The following NFIC variants were observed in gnomAD, a reference collection of about 807,000 sequenced individuals.
NFIC encodes nuclear factor I C.
Under a neutral mutation model 54.4 loss-of-function variants are expected in NFIC, and 12 were observed. That is an observed-to-expected ratio of 0.22 (90% CI 0.14 to 0.36). The LOEUF (loss-of-function observed/expected upper bound fraction) is 0.36. Among genes scored for constraint, NFIC ranks in the 10% least tolerant of loss-of-function variants. The pLI, the probability that NFIC is intolerant of heterozygous loss-of-function variation, is 1.00. For synonymous variants in NFIC, 322 were observed against 319.2 expected (o/e 1.01, Z -0.09); for missense variants, 575 against 718.2 (o/e 0.80, Z 2.28).
chr19:3,380,225 C>G (rs970695401), intron 1 of NFIC, among the ~76,000 whole-genome samples: 1 of 147,090 alleles, frequency 6.8e-6, no homozygotes, highest in African/African-American at 2.5e-5. Context: ...AGGATGGTCT[C>G]AATCTCCTGA....
At position 3,381,977 on chromosome 19, in the gene NFIC, A is replaced by C; in HGVS notation, c.296A>C (p.Lys99Thr). ...REDFVLSITG[K>T]KAPGCVLSNP... The stretch of plus-strand genomic sequence containing the variant: ...GACTTCGTGCTGAGCATCACCGGCA[A>C]GAAGGCGCCGGGCTGCGTGCTCTCC... The change falls in exon 2 of 11, where the codon AAG becomes ACG. Residue 99 changes from lysine (K) to threonine (T), a missense_variant. Coordinates refer to ENST00000443272, the MANE Select transcript of NFIC (RefSeq NM_001245002.2). The C allele has an allele frequency of 6.2e-7, 1 of 1,613,502 alleles. No homozygotes were observed. Among genetic ancestry groups the C allele is most frequent in the Non-Finnish European group, 8.5e-7 (1 of 1,179,928 alleles).
rs1555744611 is a variant in NFIC, at chr19:3,394,519, A to ACACCCCCC, written c.562+12277_562+12278insACCCCCCC. On this transcript the variant is annotated intron_variant, in intron 2 of 10. Coordinates refer to ENST00000443272, the MANE Select transcript of NFIC (RefSeq NM_001245002.2). ...CGAGGTATTTTATGATCTTTTCCCC[A>ACACCCCCC]CCCACCCCCCACCCGCTTACACTAA... Among the ~76,000 whole-genome samples, 3 of 47,352 alleles carry ACACCCCCC rather than the reference A, an allele frequency of 6.3e-5. 1 individual carries two copies. The highest frequency in any genetic ancestry group is 4.1e-4 in the African/African-American group (3 of 7,352). 31.1% of individuals were successfully genotyped at this position (47,352 alleles called of 152,430 possible).
At chr19:3,423,915 G>C (rs2081989701) in intron 2 of NFIC, among the ~76,000 whole-genome samples, 1 of 152,158 alleles carries the variant, frequency 6.6e-6, no homozygotes, top group African/African-American at 2.4e-5. Context: ...CACCTCTCTG[G>C]TCCTCAGTTT....
Position 3,467,786 on chromosome 19 carries a change from T to TATATATATATATATATATATAA in NFIC, c.*5020_*5021insTATATATATATATATATAAATA, listed in dbSNP as rs1420093017. On this transcript the variant is annotated 3_prime_UTR_variant, in exon 11 of 11. Coordinates refer to ENST00000443272, the MANE Select transcript of NFIC (RefSeq NM_001245002.2). Reference sequence around the variant, plus strand: ...ATATATATATATATATATATATATATATAATTTTGGAATTTGTTTCTCATA... The same window carrying TATATATATATATATATATATAA: ...ATATATATATATATATATATATATATATATATATATATATATATATAAATAATTTTGGAATTTGTTTCTCATA... The TATATATATATATATATATATAA allele has an allele frequency of 7.2e-6, 1 of 138,812 alleles. No homozygotes were observed. The highest frequency in any genetic ancestry group is 2.2e-4 in the South Asian group (1 of 4,536). The allele number at this position is 138,812 out of a possible 1,614,324, so 8.6% of individuals were successfully genotyped here. A position where few individuals can be genotyped will look rare whatever the true frequency, so the allele number is the denominator to read the frequency against.
intron 2 of NFIC, among the ~76,000 whole-genome samples, chr19:3,404,833 G>A (rs907445256): frequency 6.6e-6 from 1 of 152,186 alleles, no homozygotes; most frequent in African/African-American, 2.4e-5. Flanking sequence ...GGCCTCCAGG[G>A]ACCTCCAGAC....
intron 9 of NFIC, among the ~76,000 whole-genome samples, chr19:3,455,182 C>T (rs1413510277): frequency 6.6e-6 from 1 of 152,246 alleles, no homozygotes. Context: ...CCTGCCTGCT[C>T]ATCTGTGAAA....
intron 1 of NFIC, among the ~76,000 whole-genome samples, chr19:3,373,621 C>A (rs879603259): frequency 1.8e-5 from 2 of 111,758 alleles, no homozygotes; most frequent in South Asian, 7.0e-4. Flanking sequence ...TCCTGGACCC[C>A]CCCCCCAAGC....
intron 1 of NFIC, chr19:3,371,308 G>C (rs1246151222): frequency 6.6e-6 from 1 of 151,064 alleles, no homozygotes; most frequent in Non-Finnish European, 1.5e-5. Context: ...TGCAGATTCA[G>C]GGAGGCAGCA....
At chr19:3,398,055 G>A (rs2081493355) in intron 2 of NFIC, among the ~76,000 whole-genome samples, 3 of 152,144 alleles carry the variant, frequency 2.0e-5, no homozygotes. Context: ...ATATTATCCA[G>A]GATTTTGCAC....
chr19:3,371,793 C>T (rs2081015079), intron 1 of NFIC, among the ~76,000 whole-genome samples: 1 of 152,062 alleles, frequency 6.6e-6, no homozygotes, highest in African/African-American at 2.4e-5. Context: ...GTGACAAGGA[C>T]AGTGGTGACC....
At chr19:3,442,741 A>G (rs554399693) in intron 6 of NFIC, among the ~76,000 whole-genome samples, 2 of 149,214 alleles carry the variant, frequency 1.3e-5, no homozygotes, top group East Asian at 2.0e-4. Context: ...TGGCCTGGGG[A>G]GGGACAGAGT....
At chr19:3,402,642 G>C (rs1160130769) in intron 2 of NFIC, among the ~76,000 whole-genome samples, 1 of 152,208 alleles carries the variant, frequency 6.6e-6, no homozygotes, top group African/African-American at 2.4e-5. Flanking sequence ...CTGAAGGAAA[G>C]AAAACAGAAG....
At chr19:3,359,650 C>T (rs1341342866) in exon 1 of NFIC, 15 of 1,383,968 alleles carry the variant, frequency 1.1e-5, no homozygotes, top group African/African-American at 1.5e-5. Flanking sequence ...CGCGCTCGCT[C>T]CGGCGCCGGC....
At chr19:3,400,066 ACT>A (rs1318110472) in intron 2 of NFIC, among the ~76,000 whole-genome samples, 1 of 152,194 alleles carries the variant, frequency 6.6e-6, no homozygotes, top group Non-Finnish European at 1.5e-5. Flanking sequence ...GAGCACAGAC[ACT>A]GTCAGCACTC....
intron 2 of NFIC, 33 bp downstream of exon 2, chr19:3,382,276 C>T (rs2074944): frequency 0.26 from 416,425 of 1,581,304 alleles, 59,206 homozygotes; most frequent in East Asian, 0.55. Context: ...GAGCGGCCAG[C>T]GGGGAGGGTG....
At chr19:3,435,741 A>T (rs2082190756) in intron 6 of NFIC, among the ~76,000 whole-genome samples, 1 of 151,744 alleles carries the variant, frequency 6.6e-6, no homozygotes, top group South Asian at 2.1e-4. Flanking sequence ...CTCCATTCCC[A>T]TGGCGTCGTT....
chr19:3,446,157 G>A (rs2082371589), intron 6 of NFIC, among the ~76,000 whole-genome samples: 2 of 152,314 alleles, frequency 1.3e-5, no homozygotes, highest in East Asian at 3.9e-4. Context: ...CAGGGCAGAC[G>A]GTAGAAACCA....
rs886517109 is a variant in NFIC at position 3,366,774 on chromosome 19, G to C, written c.30+108G>C. On this transcript the variant is annotated intron_variant, in intron 1 of 10. Coordinates refer to ENST00000443272, the MANE Select transcript of NFIC (RefSeq NM_001245002.2). ...GACGAAAAAGGCGCGCGTCCCTCCC[G>C]CCATCCCTGCCCGGGATGCCCCCCG... is the stretch of plus-strand genomic sequence containing the variant. 1.8e-4 allele frequency: 135 copies of C among 751,714 alleles called. No individual in the cohort carries two copies. In the East Asian group the frequency reaches 4.7e-3, roughly 26 times the overall value. 46.6% of individuals were successfully genotyped at this position (751,714 alleles called of 1,614,324 possible). A position where few individuals can be genotyped will look rare whatever the true frequency, so the allele number is the denominator to read the frequency against.
At chr19:3,385,682 C>T (rs1276756984) in intron 2 of NFIC, among the ~76,000 whole-genome samples, 2 of 150,106 alleles carry the variant, frequency 1.3e-5, no homozygotes, top group African/African-American at 2.5e-5. Context: ...AAGCAATTCT[C>T]CTGCCTCAGT....
Sources: allele counts gnomAD v4.1 joint callset (sites outside exome capture counted in the v4.1 genomes callset), GRCh38; gene constraint gnomAD v4.1.1; transcripts MANE v1.5; gene names NCBI Gene and HGNC (gene_info 2026-07-23, HGNC 2026-07-21).